Variants in KATNAL1 observed in about 807,000 individuals in gnomAD.
The protein encoded by KATNAL1 is katanin catalytic subunit A1 like 1, also known as katanin p60 ATPase-containing subunit A-like 1.
KATNAL1 carries 32 observed loss-of-function variants against 55.2 expected under a neutral mutation model. The ratio of observed to expected loss-of-function variants is 0.58; its 90% CI spans 0.44 to 0.78. The LOEUF is 0.78. Ranked by LOEUF, KATNAL1 falls within the 30% of genes least tolerant of loss-of-function variation. The pLI is 0.00. For synonymous variants in KATNAL1, 193 were observed against 193.6 expected, an observed-to-expected ratio of 1.00 and a Z score of 0.02; for missense variants, 466 against 600.9, an observed-to-expected ratio of 0.78 and a Z score of 2.35.
chr13:30,273,129 G>A (rs750595005), intron 3 of KATNAL1, among the ~76,000 whole-genome samples: 3 of 152,192 alleles, frequency 2.0e-5, no homozygotes, highest in Non-Finnish European at 2.9e-5. Context: ...TTCTACTGCA[G>A]CATTCCCATC....
At chr13:30,230,728 C>T in intron 7 of KATNAL1, 134 bp from the exon 8 acceptor site, 1 of 649,028 alleles carries the variant, frequency 1.5e-6, no homozygotes, top group Non-Finnish European at 2.5e-6. Flanking sequence ...CTGGTTATGG[C>T]AAAGGCTAAA....
intron 3 of KATNAL1, among the ~76,000 whole-genome samples, chr13:30,266,540 T>C (rs1879798256): frequency 6.6e-6 from 1 of 152,174 alleles, no homozygotes; most frequent in South Asian, 2.1e-4. Flanking sequence ...AACATGCATT[T>C]TCATGCATGA....
intron 3 of KATNAL1, among the ~76,000 whole-genome samples, chr13:30,268,885 T>C (rs1330918850): frequency 2.0e-5 from 3 of 152,172 alleles, no homozygotes; most frequent in Non-Finnish European, 4.4e-5. Flanking sequence ...ATACTTACAC[T>C]GTGGCAGGCA....
chr13:30,270,082 C>G, intron 3 of KATNAL1, among the ~76,000 whole-genome samples: 1 of 120,932 alleles, frequency 8.3e-6, no homozygotes, highest in African/African-American at 3.0e-5. Context: ...TGGGGGGGGT[C>G]AGCCCCCCGC....
At chr13:30,209,132 C>CTAAA (rs1593819638) in intron 10 of KATNAL1, among the ~76,000 whole-genome samples, 1 of 152,248 alleles carries the variant, frequency 6.6e-6, no homozygotes, top group East Asian at 1.9e-4. Context: ...TGTCTACAGC[C>CTAAA]TAAATAGAGG....
At chr13:30,241,111 T>G (rs767158257) in intron 4 of KATNAL1, 25 bp from the exon 5 acceptor site, 3 of 1,596,284 alleles carry the variant, frequency 1.9e-6, no homozygotes, top group East Asian at 2.2e-5. Context: ...AAAAAAAAAG[T>G]ACTAGTCAGT....
Position 30,208,483 on chromosome 13 carries a change from G to A in KATNAL1, c.*57C>T, listed in dbSNP as rs1873356432. On this transcript the variant is annotated 3_prime_UTR_variant, in exon 11 of 11. Coordinates refer to ENST00000380615, the MANE Select transcript of KATNAL1 (RefSeq NM_032116.5). The stretch of plus-strand genomic sequence containing the variant: ...CCAAACTTGTTTTTTAAAAATTGCA[G>A]GAATTTCTTCGTATTTTATCAACAA... 1 of 1,383,462 alleles carries A rather than the reference G, an allele frequency of 7.2e-7. No individual in the cohort carries two copies. Among genetic ancestry groups the A allele is most frequent in the East Asian group, 2.5e-5 (1 of 39,862 alleles). The allele number at this position is 1,383,462 out of a possible 1,614,324, so 85.7% of individuals were successfully genotyped here.
intron 4 of KATNAL1, among the ~76,000 whole-genome samples, chr13:30,242,092 T>C (rs10492463): frequency 0.13 from 19,764 of 152,152 alleles, 1,660 homozygotes; most frequent in Non-Finnish European, 0.18. Flanking sequence ...TCAAATTTTA[T>C]AGTACAGATA....
chr13:30,275,562 G>C (rs1368891132), intron 3 of KATNAL1, among the ~76,000 whole-genome samples: 1 of 152,106 alleles, frequency 6.6e-6, no homozygotes, highest in Non-Finnish European at 1.5e-5. Flanking sequence ...AGGGGCTAGG[G>C]GAGAAGAAAA....
In KATNAL1 at chr13:30,240,444, T is replaced by C. The variant is rs76480996; in HGVS notation, c.726+16A>G. On this transcript the variant is annotated intron_variant, in intron 6 of 10. Coordinates refer to ENST00000380615, the MANE Select transcript of KATNAL1 (RefSeq NM_032116.5). ...AGTAGCATTCTTATATCAAAACCAA[T>C]TTAATAAATTCTCACCTTCCATGGC... The C allele has an allele frequency of 1.9e-6, 3 of 1,555,342 alleles. No homozygotes were observed. The highest frequency in any genetic ancestry group is 2.7e-6 in the Non-Finnish European group (3 of 1,127,394).
intron 3 of KATNAL1, among the ~76,000 whole-genome samples, chr13:30,276,563 T>G (rs554850999): frequency 6.6e-6 from 1 of 151,978 alleles, no homozygotes; most frequent in Non-Finnish European, 1.5e-5. Context: ...GTAAATATTA[T>G]ATTTTCCTAT....
At chr13:30,271,779 T>C (rs1008324863) in intron 3 of KATNAL1, among the ~76,000 whole-genome samples, 1 of 151,604 alleles carries the variant, frequency 6.6e-6, no homozygotes, top group Admixed American at 6.6e-5. Context: ...GGACCTTCTT[T>C]CTACTGCTCT....
chr13:30,300,604 C>T (rs1157927115), intron 1 of KATNAL1, among the ~76,000 whole-genome samples: 1 of 151,578 alleles, frequency 6.6e-6, no homozygotes, highest in East Asian at 1.9e-4. Flanking sequence ...ATTAAGGAAA[C>T]ACATAACCAT....
chr13:30,212,556 G>A (rs1383624463), intron 9 of KATNAL1, among the ~76,000 whole-genome samples: 3 of 152,176 alleles, frequency 2.0e-5, no homozygotes, highest in Non-Finnish European at 4.4e-5. Context: ...CAGCAAAGGT[G>A]CCACCAAGGA....
chr13:30,279,541 C>T (rs1186827006), intron 3 of KATNAL1, among the ~76,000 whole-genome samples: 1 of 152,142 alleles, frequency 6.6e-6, no homozygotes, highest in Non-Finnish European at 1.5e-5. Context: ...AGAGGTTTAA[C>T]GTAAATGATG....
chr13:30,262,979 T>A (rs1042396145), intron 3 of KATNAL1, among the ~76,000 whole-genome samples: 8 of 152,206 alleles, frequency 5.3e-5, no homozygotes, highest in African/African-American at 1.9e-4. Flanking sequence ...AATAAAATAC[T>A]GGCAAACCGA....
At chr13:30,253,541 T>G (rs937251888) in intron 4 of KATNAL1, among the ~76,000 whole-genome samples, 1 of 151,876 alleles carries the variant, frequency 6.6e-6, no homozygotes, top group Non-Finnish European at 1.5e-5. Context: ...AGCGGGTGCC[T>G]GTAGTCCCAG....
rs141000753 is a variant in KATNAL1, at chr13:30,255,348, C to T, written c.492+99G>A. On this transcript the variant is annotated intron_variant, in intron 4 of 10. Transcript: ENST00000380615. ...ATGAGACTTTTTTCTAACTCTTCCA[C>T]GTCAAAACCAGGGTATCTTGAAAAG... is the stretch of plus-strand genomic sequence containing the variant. The T allele has an allele frequency of 8.9e-4, 871 of 977,778 alleles. 3 individuals carry two copies. In the East Asian group the frequency reaches 0.02, roughly 23 times the overall value. 60.6% of individuals were successfully genotyped at this position (977,778 alleles called of 1,614,324 possible). A position where few individuals can be genotyped will look rare whatever the true frequency, so the allele number is the denominator to read the frequency against.
intron 1 of KATNAL1, among the ~76,000 whole-genome samples, chr13:30,301,853 T>C (rs77330748): frequency 0.02 from 3,054 of 152,308 alleles, 37 homozygotes; most frequent in Non-Finnish European, 0.032. Flanking sequence ...TATTACTGTA[T>C]TTTATGAAGT....
Sources: allele counts gnomAD v4.1 joint callset (sites outside exome capture counted in the v4.1 genomes callset), GRCh38; gene constraint gnomAD v4.1.1; transcripts MANE v1.5; gene names NCBI Gene and HGNC (gene_info 2026-07-23, HGNC 2026-07-21).